The following CIP2A variants were observed in gnomAD, a reference collection of about 807,000 sequenced individuals.
CIP2A encodes the protein cellular inhibitor of PP2A, also known as protein CIP2A.
In CIP2A, 103 loss-of-function variants were observed where a neutral mutation model predicts 110.9. The ratio of observed to expected loss-of-function variants is 0.93; its 90% CI spans 0.79 to 1.09. The LOEUF (loss-of-function observed/expected upper bound fraction) is 1.09. Ranked by LOEUF, CIP2A falls within the 50% of genes least tolerant of loss-of-function variation. The pLI is 0.00. For synonymous variants in CIP2A, 381 were observed against 361.6 expected, an observed-to-expected ratio of 1.05 and a Z score of -0.61; for missense variants, 1,088 against 1,038.4, an observed-to-expected ratio of 1.05 and a Z score of -0.66.
At position 108,557,347 on chromosome 3, in the gene CIP2A, T is replaced by C; in HGVS notation, c.2081A>G (p.Lys694Arg). 6.2e-7 allele frequency: 1 copy of C among 1,612,440 alleles called. No individual in the cohort carries two copies. Among genetic ancestry groups the C allele is most frequent in the Non-Finnish European group, 8.5e-7 (1 of 1,178,918 alleles). Residue 694 changes from lysine (K) to arginine (R), a missense_variant, in exon 17 of 21, where the codon AAG becomes AGG. Physicochemically the swap from Lys to Arg is conservative, Grantham distance 26 (BLOSUM62 2). Transcript: ENST00000295746. ...RKNEELSVLL[K>R]AQQVESERAQ... ...TCTTTCTGATTCAACTTGCTGCGCC[T>C]TCAGCAACACACTAAGCTCTTCATT...
intron 7 of CIP2A, among the ~76,000 whole-genome samples, chr3:108,577,696 C>G (rs1157096764): frequency 6.6e-6 from 1 of 152,000 alleles, no homozygotes; most frequent in Non-Finnish European, 1.5e-5. Context: ...GTCAGGAGTT[C>G]AAGACCAGCC....
Position 108,569,181 on chromosome 3 carries a change from T to TATATATATATACACACACACAC in CIP2A, c.1113+207_1113+208insGTGTGTGTGTGTATATATATAT. Among the ~76,000 whole-genome samples, 37 of 58,196 alleles carry TATATATATATACACACACACAC rather than the reference T, an allele frequency of 6.4e-4. 5 individuals carry two copies. Among genetic ancestry groups the TATATATATATACACACACACAC allele is most frequent in the Middle Eastern group, 8.8e-3 (1 of 114 alleles). 38.2% of individuals were successfully genotyped at this position (58,196 alleles called of 152,430 possible). On this transcript the variant is annotated intron_variant, in intron 9 of 20. Coordinates refer to ENST00000295746, the MANE Select transcript of CIP2A (RefSeq NM_020890.3). The stretch of plus-strand genomic sequence containing the variant: ...CTGAAATGAGCACTATATATATATA[T>TATATATATATACACACACACAC]ACATACACACTACTCAGTGAAAAAA...
intron 5 of CIP2A, 123 bp downstream of exon 5, chr3:108,581,292 G>T: frequency 1.5e-6 from 1 of 661,826 alleles, no homozygotes; most frequent in Non-Finnish European, 2.6e-6. Flanking sequence ...ATTTTGATGG[G>T]TCATCCGATA....
chr3:108,565,962 A>T (rs1938166911), intron 11 of CIP2A, among the ~76,000 whole-genome samples: 1 of 151,746 alleles, frequency 6.6e-6, no homozygotes, highest in Non-Finnish European at 1.5e-5. Flanking sequence ...CATAGTGTCT[A>T]CCACTCAGCA....
At chr3:108,555,237 CTA>C (rs1937747929) in intron 17 of CIP2A, among the ~76,000 whole-genome samples, 1 of 152,146 alleles carries the variant, frequency 6.6e-6, no homozygotes, top group Admixed American at 6.5e-5. Context: ...TGGACGCTGC[CTA>C]TCTCTTAGGT....
At chr3:108,566,719 T>G in intron 10 of CIP2A, 81 bp from the exon 11 acceptor site, 1 of 847,720 alleles carries the variant, frequency 1.2e-6, no homozygotes, top group Non-Finnish European at 1.8e-6. Context: ...TTCATACAAA[T>G]TATATCATCA....
intron 10 of CIP2A, among the ~76,000 whole-genome samples, chr3:108,567,952 C>T (rs1342098535): frequency 6.6e-6 from 1 of 151,664 alleles, no homozygotes; most frequent in African/African-American, 2.4e-5. Context: ...AAGTTTCACA[C>T]AGAAAAATAA....
rs2083883326 is a variant in CIP2A, at chr3:108,550,491, T to G, written c.*658A>C. ...TAATTCTACAAGTTCTTAGATTTTTTATGAGACAGCTATTGTGTTAAATGT... is the reference window on the plus strand; with the variant it reads ...TAATTCTACAAGTTCTTAGATTTTTGATGAGACAGCTATTGTGTTAAATGT... On this transcript the variant is annotated 3_prime_UTR_variant, in exon 21 of 21. Coordinates refer to ENST00000295746, the MANE Select transcript of CIP2A (RefSeq NM_020890.3). The G allele has an allele frequency of 6.6e-6, 1 of 151,452 alleles. No individual in the cohort carries two copies. Among genetic ancestry groups the G allele is most frequent in the Non-Finnish European group, 1.5e-5 (1 of 67,668 alleles). The allele number at this position is 151,452 out of a possible 1,614,324, so 9.4% of individuals were successfully genotyped here. A position where few individuals can be genotyped will look rare whatever the true frequency, so the allele number is the denominator to read the frequency against.
In CIP2A at chr3:108,576,323, A is replaced by C; in HGVS notation, c.842T>G (p.Leu281Arg). ...LTRYEHFSSC[L>R]HQVLGLLNGK... Reference sequence around the variant, plus strand: ...ATTAAGAAGACCTAATACTTGGTGAAGACATGAAGAAAAGTGCTCATATCT... The same window carrying C: ...ATTAAGAAGACCTAATACTTGGTGACGACATGAAGAAAAGTGCTCATATCT... The change falls in exon 8 of 21, where the codon CTT (leucine) becomes CGT (arginine). Residue 281 changes from leucine to arginine, a missense_variant. Physicochemically the swap from Leu to Arg is moderately radical, Grantham distance 102. Coordinates refer to ENST00000295746, the MANE Select transcript of CIP2A (RefSeq NM_020890.3). The C allele has an allele frequency of 6.4e-7, 1 of 1,560,536 alleles. No homozygotes were observed. The highest frequency in any genetic ancestry group is 1.2e-5 in the South Asian group (1 of 82,962).
intron 5 of CIP2A, 36 bp from the exon 6 acceptor site, chr3:108,579,724 A>G: frequency 7.3e-7 from 1 of 1,371,910 alleles, no homozygotes; most frequent in East Asian, 2.6e-5. Flanking sequence ...AATTAGAATT[A>G]TAAATTTTAT....
intron 16 of CIP2A, among the ~76,000 whole-genome samples, chr3:108,559,494 G>C (rs573726033): frequency 1.3e-5 from 2 of 151,832 alleles, no homozygotes; most frequent in African/African-American, 4.8e-5. Context: ...AAAGGAAAAA[G>C]GTTTAGAATA....
chr3:108,553,894 TATAAAAAAA>T (rs1221190825), intron 18 of CIP2A, among the ~76,000 whole-genome samples, 164 bp from the exon 19 acceptor site: 1,008 of 49,744 alleles, frequency 0.02, 115 homozygotes, highest in African/African-American at 0.062. Context: ...CTACTAAAAA[TATAAAAAAA>T]AAAAAAAAAA....
Position 108,552,236 on chromosome 3 carries a change from T to C in CIP2A, c.2545A>G (p.Lys849Glu), listed in dbSNP as rs750429462. The change falls in exon 20 of 21, where the codon AAG becomes GAG. Residue 849 changes from lysine to glutamate, a missense_variant and splice_region_variant. Transcript: ENST00000295746. ...TGAGAAATGGAACAGATTCTTACCT[T>C]AATGCTCAACTCTTTTCTTATCTGT... The part of the protein sequence containing the change: ...TEQIRKELSI[K>E]ASSLEVQKAQ... 6.4e-7 allele frequency: 1 copy of C among 1,557,022 alleles called. No individual in the cohort carries two copies. The highest frequency in any genetic ancestry group is 8.6e-7 in the Non-Finnish European group (1 of 1,157,974).
intron 7 of CIP2A, among the ~76,000 whole-genome samples, chr3:108,577,242 C>G (rs192944426): frequency 2.4e-4 from 37 of 152,208 alleles, no homozygotes; most frequent in Admixed American, 2.0e-3. Flanking sequence ...TACTGAGAAT[C>G]TGGATATTCA....
At chr3:108,561,543 C>A (rs186808330) in intron 13 of CIP2A, among the ~76,000 whole-genome samples, 7 of 152,168 alleles carry the variant, frequency 4.6e-5, no homozygotes, top group Non-Finnish European at 7.4e-5. Flanking sequence ...GTGGCACAAG[C>A]CTGTGGTCCC....
In CIP2A at chr3:108,582,207, GAAT is replaced by G. The variant is rs761452436; in HGVS notation, c.358-8_358-6del. On this transcript the variant is annotated splice_region_variant and splice_polypyrimidine_tract_variant and intron_variant, in intron 3 of 20. Coordinates refer to ENST00000295746, the MANE Select transcript of CIP2A (RefSeq NM_020890.3). The stretch of plus-strand genomic sequence containing the variant: ...CTTCTGTAGAAGTTGAATGCACTGA[GAAT>G]AAGAAAATAGTTATAAATATAAAGA... 4 of 1,214,194 alleles carry G rather than the reference GAAT, an allele frequency of 3.3e-6. No individual in the cohort carries two copies. The highest frequency in any genetic ancestry group is 4.0e-5 in the Admixed American group (2 of 49,554). 75.2% of individuals were successfully genotyped at this position (1,214,194 alleles called of 1,614,324 possible).
chr3:108,562,633 G>C (rs1938047083), intron 13 of CIP2A, among the ~76,000 whole-genome samples: 1 of 151,710 alleles, frequency 6.6e-6, no homozygotes, highest in Non-Finnish European at 1.5e-5. Context: ...AGAAAATTTT[G>C]CCTGGTTGTC....
In CIP2A at chr3:108,579,263, G is replaced by C. The variant is rs1938780698; in HGVS notation, c.818+18C>G. The C allele has an allele frequency of 6.3e-7, 1 of 1,579,912 alleles. No individual in the cohort carries two copies. The highest frequency in any genetic ancestry group is 8.6e-7 in the Non-Finnish European group (1 of 1,159,752). On this transcript the variant is annotated intron_variant, in intron 7 of 20. Transcript: ENST00000295746. ...TTAAAAATAAAAAAGTTCTAAAATT[G>C]ACTGAAGTGAGTCATACCTGGTGAG...
At position 108,550,547 on chromosome 3, in the gene CIP2A, GAC is replaced by G. The variant is rs1253658108; in HGVS notation, c.*600_*601del. The G allele has an allele frequency of 1.3e-5, 2 of 151,300 alleles. No individual in the cohort carries two copies. Among genetic ancestry groups the G allele is most frequent in the African/African-American group, 4.8e-5 (2 of 41,384 alleles). The allele number at this position is 151,300 out of a possible 1,614,324, so 9.4% of individuals were successfully genotyped here. A position where few individuals can be genotyped will look rare whatever the true frequency, so the allele number is the denominator to read the frequency against. On this transcript the variant is annotated 3_prime_UTR_variant, in exon 21 of 21. Transcript: ENST00000295746. ...TTTAAATGTAATAGTTTAACACAAT[GAC>G]AGTTTTCTAATTTTTATACATTTTA...
Sources: allele counts gnomAD v4.1 joint callset (sites outside exome capture counted in the v4.1 genomes callset), GRCh38; gene constraint gnomAD v4.1.1; transcripts MANE v1.5; gene names NCBI Gene and HGNC (gene_info 2026-07-23, HGNC 2026-07-21).